The following TIMP3 variants were observed in gnomAD, a reference collection of about 807,000 sequenced individuals.
TIMP3 encodes the protein TIMP metallopeptidase inhibitor 3.
In TIMP3, 11 loss-of-function variants were observed where a neutral mutation model predicts 30.0. That is an observed-to-expected ratio of 0.37 (90% CI 0.23 to 0.61). TIMP3 has a LOEUF of 0.61. Ranked by LOEUF, TIMP3 falls within the 20% of genes least tolerant of loss-of-function variation. The pLI, the probability that TIMP3 is intolerant of heterozygous loss-of-function variation, is 0.70. For synonymous variants in TIMP3, 112 were observed against 111.3 expected (o/e 1.01, Z -0.04); for missense variants, 181 against 276.8 (o/e 0.65, Z 2.45).
At chr22:32,820,029 T>C (rs922344787) in intron 1 of TIMP3, among the ~76,000 whole-genome samples, 2 of 152,118 alleles carry the variant, frequency 1.3e-5, no homozygotes, top group African/African-American at 4.8e-5. Flanking sequence ...AGGGGATTTT[T>C]TGGTGTGGGG....
chr22:32,805,611 T>C (rs2046711203), intron 1 of TIMP3, among the ~76,000 whole-genome samples: 2 of 150,864 alleles, frequency 1.3e-5, no homozygotes, highest in East Asian at 2.0e-4. Context: ...CCAAATGCCA[T>C]CTCTTTCACC....
intron 1 of TIMP3, among the ~76,000 whole-genome samples, chr22:32,840,140 T>C (rs1365962948): frequency 6.6e-6 from 1 of 152,168 alleles, no homozygotes; most frequent in Non-Finnish European, 1.5e-5. Context: ...TTCCCTGAGA[T>C]GGAAACTTGG....
chr22:32,816,219 G>C (rs1055110349), intron 1 of TIMP3, among the ~76,000 whole-genome samples: 10 of 152,120 alleles, frequency 6.6e-5, no homozygotes, highest in Admixed American at 4.6e-4. Flanking sequence ...GCGGGGGTAG[G>C]GGGGAGGCCA....
chr22:32,857,973 C>G (rs1295314821), intron 3 of TIMP3, 44 bp from the exon 4 acceptor site: 1 of 1,613,888 alleles, frequency 6.2e-7, no homozygotes, highest in Admixed American at 1.7e-5. Flanking sequence ...GGGCTAGGCT[C>G]TGGACAAAAC....
intron 1 of TIMP3, among the ~76,000 whole-genome samples, chr22:32,812,799 G>A (rs1277378833): frequency 6.6e-6 from 1 of 152,224 alleles, no homozygotes; most frequent in Non-Finnish European, 1.5e-5. Flanking sequence ...GCCCCATTGG[G>A]CAGTCACTAT....
chr22:32,858,571 A>G (rs1467832701), intron 4 of TIMP3, among the ~76,000 whole-genome samples: 1 of 152,204 alleles, frequency 6.6e-6, no homozygotes, highest in Non-Finnish European at 1.5e-5. Flanking sequence ...CAGATGCTAC[A>G]GAAGGTCTCT....
intron 1 of TIMP3, among the ~76,000 whole-genome samples, chr22:32,836,831 G>C: frequency 6.6e-6 from 1 of 152,200 alleles, no homozygotes; most frequent in East Asian, 1.9e-4. Flanking sequence ...TGAAGGGTAA[G>C]TTATAGATGT....
chr22:32,819,331 G>C (rs928655333), intron 1 of TIMP3, among the ~76,000 whole-genome samples: 3 of 152,254 alleles, frequency 2.0e-5, no homozygotes, highest in Admixed American at 1.3e-4. Context: ...AGGACACGAT[G>C]CCTTGCTGGT....
intron 2 of TIMP3, among the ~76,000 whole-genome samples, chr22:32,852,813 G>A (rs927217668): frequency 1.3e-5 from 2 of 152,190 alleles, no homozygotes; most frequent in African/African-American, 4.8e-5. Context: ...GAAATTAGCT[G>A]GGCTGTGGGG....
At chr22:32,825,572 C>A (rs2047378604) in intron 1 of TIMP3, among the ~76,000 whole-genome samples, 2 of 136,948 alleles carry the variant, frequency 1.5e-5, no homozygotes, top group African/African-American at 2.7e-5. Flanking sequence ...GGCAGAGAAT[C>A]ACTTGAACCC....
intron 1 of TIMP3, among the ~76,000 whole-genome samples, chr22:32,836,011 G>A (rs921770666): frequency 3.3e-5 from 5 of 152,196 alleles, no homozygotes; most frequent in African/African-American, 9.7e-5. Flanking sequence ...ACTTGGTGGG[G>A]TGTTTCAGAT....
Position 32,802,269 on chromosome 22 carries a change from T to C in TIMP3, c.121+147T>C. 7.1e-6 allele frequency: 9 copies of C among 1,264,924 alleles called. No homozygotes were observed. The South Asian group carries it at 9.3e-5, about 13-fold the overall frequency. The allele number at this position is 1,264,924 out of a possible 1,614,324, so 78.4% of individuals were successfully genotyped here. A position where few individuals can be genotyped will look rare whatever the true frequency, so the allele number is the denominator to read the frequency against. ...GGCGGAGTGGAGAAACTCGATGTCC[T>C]TGGGCGGGGGCGCTGGCATAGCTGA... On this transcript the variant is annotated intron_variant, in intron 1 of 4. Transcript: ENST00000266085.
chr22:32,804,234 G>A lies in TIMP3; in HGVS notation c.121+2112G>A, dbSNP rs2046665401. ...GGTTTGGTGAGCTGCACTAGTGGCAGGGATGAGCTAATGCTTTTAAAATGG... is the reference window on the plus strand; with the variant it reads ...GGTTTGGTGAGCTGCACTAGTGGCAAGGATGAGCTAATGCTTTTAAAATGG... On this transcript the variant is annotated intron_variant, in intron 1 of 4. Coordinates refer to ENST00000266085, the MANE Select transcript of TIMP3 (RefSeq NM_000362.5). 2.0e-5 allele frequency among the ~76,000 whole-genome samples: 3 copies of A among 152,178 alleles called. No individual in the cohort carries two copies. In the South Asian group the frequency reaches 6.2e-4, roughly 32 times the overall value.
chr22:32,815,772 T>G (rs1601430924), intron 1 of TIMP3, among the ~76,000 whole-genome samples: 1 of 152,312 alleles, frequency 6.6e-6, no homozygotes, highest in East Asian at 1.9e-4. Context: ...AGTATGTACC[T>G]ACATAGTGAA....
In TIMP3 at chr22:32,837,445, C is replaced by T. The variant is rs940306298; in HGVS notation, c.122-12007C>T. On this transcript the variant is annotated intron_variant, in intron 1 of 4. Transcript: ENST00000266085. This position sits in a 1 kb window ranked among gnomAD's most constrained non-coding sequence, Gnocchi z 4.1. ...GCATGCCCCCTTAAACTTGATGTCT[C>T]CTCAGAGCACAGCACAGATGCCCAG... is the stretch of plus-strand genomic sequence containing the variant. 6.6e-6 allele frequency among the ~76,000 whole-genome samples: 1 copy of T among 152,232 alleles called. No individual in the cohort carries two copies. The highest frequency in any genetic ancestry group is 2.4e-5 in the African/African-American group (1 of 41,518).
chr22:32,822,306 C>T (rs539839973), intron 1 of TIMP3, among the ~76,000 whole-genome samples: 19 of 152,266 alleles, frequency 1.2e-4, no homozygotes, highest in African/African-American at 2.6e-4. Flanking sequence ...GCATGCCCTG[C>T]GTGGGATGTG....
rs1232229464 is a variant in TIMP3 at position 32,861,628 on chromosome 22, A to T, written c.*2251A>T. 6.6e-6 allele frequency: 1 copy of T among 152,610 alleles called. No homozygotes were observed. The highest frequency in any genetic ancestry group is 1.5e-5 in the Non-Finnish European group (1 of 68,050). The allele number at this position is 152,610 out of a possible 1,614,324, so 9.5% of individuals were successfully genotyped here. A position where few individuals can be genotyped will look rare whatever the true frequency, so the allele number is the denominator to read the frequency against. ...GGAACTTGGGTGAAGGCTGAGTGTG[A>T]GGCACCTGAAGTTTCCCTGCGGAGT... On this transcript the variant is annotated 3_prime_UTR_variant, in exon 5 of 5. Transcript: ENST00000266085.
chr22:32,835,271 G>A (rs2047697415), intron 1 of TIMP3, among the ~76,000 whole-genome samples: 1 of 152,174 alleles, frequency 6.6e-6, no homozygotes. Context: ...CACCTACTAT[G>A]TTCCAGACAC....
At chr22:32,833,805 G>A (rs1319739105) in intron 1 of TIMP3, 1 of 500,272 alleles carries the variant, frequency 2.0e-6, no homozygotes, top group Non-Finnish European at 4.0e-6. Context: ...TAGGGCCCTA[G>A]TGAGGCTCAA....
Sources: allele counts gnomAD v4.1 joint callset (sites outside exome capture counted in the v4.1 genomes callset), GRCh38; gene constraint gnomAD v4.1.1; non-coding constraint Gnocchi (gnomAD v3.1); transcripts MANE v1.5; gene names NCBI Gene and HGNC (gene_info 2026-07-23, HGNC 2026-07-21).